The following PCDHGB7 variants were observed in gnomAD, a reference collection of about 807,000 sequenced individuals.
PCDHGB7 encodes protocadherin gamma-B7.
Under a neutral mutation model 61.4 loss-of-function variants are expected in PCDHGB7, and 37 were observed. The ratio of observed to expected loss-of-function variants is 0.60; its 90% CI spans 0.46 to 0.79. The LOEUF (loss-of-function observed/expected upper bound fraction) is 0.79, where lower values mean the gene tolerates loss of function less well. PCDHGB7 is among the 30% of genes least tolerant of loss of function. PCDHGB7 has a pLI of 0.00. For missense variants in PCDHGB7, 1,166 were observed against 1,202.5 expected, an observed-to-expected ratio of 0.97 and a Z score of 0.45; for synonymous variants, 464 against 503.5, an observed-to-expected ratio of 0.92 and a Z score of 1.05.
At chr5:141,436,071 A>G (rs1419598304) in intron 1 of PCDHGB7, among the ~76,000 whole-genome samples, 1 of 152,222 alleles carries the variant, frequency 6.6e-6, no homozygotes. Context: ...TAATAAGTAC[A>G]GTGTTCTATA....
rs751563833 is a variant in PCDHGB7 at position 141,421,382 on chromosome 5, A to T, written c.2415+1108A>T. 5.6e-6 allele frequency: 9 copies of T among 1,613,906 alleles called. No homozygotes were observed. The South Asian group carries it at 8.8e-5, about 16-fold the overall frequency. ...TCCTTCGTGGGCAATATCTCCAAGG[A>T]CCTGGGGCTGGAGCCCCGGGAGCTG... On this transcript the variant is annotated intron_variant, in intron 1 of 3. Transcript: ENST00000398594.
chr5:141,487,109 G>A lies in PCDHGB7; in HGVS notation c.2416-7698G>A. 2 of 1,614,122 alleles carry A rather than the reference G, an allele frequency of 1.2e-6. No homozygotes were observed. Among genetic ancestry groups the A allele is most frequent in the Non-Finnish European group, 1.7e-6 (2 of 1,180,004 alleles). ...CCTCCCACCACAGAAGCTGGTCATTGTGGTAAAGGATAGTGGTAGTCCACC... is the reference window on the plus strand; with the variant it reads ...CCTCCCACCACAGAAGCTGGTCATTATGGTAAAGGATAGTGGTAGTCCACC... On this transcript the variant is annotated intron_variant, in intron 1 of 3. Transcript: ENST00000398594. This position sits in a 1 kb window ranked among gnomAD's most constrained non-coding sequence, Gnocchi z 5.0.
Position 141,418,370 on chromosome 5 carries a change from C to G in PCDHGB7, c.511C>G (p.Gln171Glu), listed in dbSNP as rs910813828. Reference sequence around the variant, plus strand: ...TAGTATGAATTCGCTGAGCAAATACCAACTAAGTCCTAACGAGTATTTCTC... The same window carrying G: ...TAGTATGAATTCGCTGAGCAAATACGAACTAAGTCCTAACGAGTATTTCTC... ...DISMNSLSKYQLSPNEYFSLV... is the reference protein window; with the variant it reads ...DISMNSLSKYELSPNEYFSLV... The change falls in exon 1 of 4, where the codon CAA becomes GAA. Residue 171 changes from glutamine (Q) to glutamate (E), a missense_variant. Transcript: ENST00000398594. The G allele has an allele frequency of 6.2e-7, 1 of 1,613,822 alleles. No homozygotes were observed. The highest frequency in any genetic ancestry group is 1.3e-5 in the African/African-American group (1 of 74,910).
chr5:141,510,895 CTGT>C, intron 3 of PCDHGB7, 49 bp from the exon 4 acceptor site: 1 of 1,612,988 alleles, frequency 6.2e-7, no homozygotes, highest in Non-Finnish European at 8.5e-7. Flanking sequence ...AAGACAGTGA[CTGT>C]TGAGGACCCT....
At chr5:141,440,822 A>T (rs1561900737) in intron 1 of PCDHGB7, 2 of 152,058 alleles carry the variant, frequency 1.3e-5, no homozygotes, top group Non-Finnish European at 2.9e-5. Context: ...TCAACTCCTG[A>T]TCCTATTGGT....
intron 1 of PCDHGB7, among the ~76,000 whole-genome samples, chr5:141,455,830 C>T (rs928219545): frequency 2.0e-5 from 3 of 151,170 alleles, no homozygotes; most frequent in African/African-American, 7.3e-5. Flanking sequence ...GACCCCTTTT[C>T]CTGTCTATCT....
intron 1 of PCDHGB7, among the ~76,000 whole-genome samples, chr5:141,449,413 C>G (rs2098637966): frequency 6.6e-6 from 1 of 151,656 alleles, no homozygotes; most frequent in African/African-American, 2.4e-5. Flanking sequence ...TCAAGACCAG[C>G]CTGGCCAACA....
intron 1 of PCDHGB7, among the ~76,000 whole-genome samples, chr5:141,457,674 A>G (rs577008886): frequency 2.9e-4 from 44 of 152,256 alleles, no homozygotes; most frequent in South Asian, 2.1e-4. Flanking sequence ...GGTTATTTCT[A>G]CATAGGACTT....
In PCDHGB7 at chr5:141,487,169, G is replaced by A. The variant is rs1259980100; in HGVS notation, c.2416-7638G>A. On this transcript the variant is annotated intron_variant, in intron 1 of 3. Coordinates refer to ENST00000398594, the MANE Select transcript of PCDHGB7 (RefSeq NM_018927.4). The surrounding 1 kb of genome is among the most constrained non-coding windows in gnomAD (Gnocchi z 5.0). ...CTCTGTTACTCTCTTAGTGTCCTTA[G>A]AGGAAGACACTCATCCAGTTGTCCC... 6.2e-7 allele frequency: 1 copy of A among 1,613,086 alleles called. No homozygotes were observed. Among genetic ancestry groups the A allele is most frequent in the South Asian group, 1.1e-5 (1 of 91,072 alleles).
chr5:141,441,136 GA>G (rs1379465827), intron 1 of PCDHGB7: 2 of 152,304 alleles, frequency 1.3e-5, no homozygotes, highest in Middle Eastern at 3.4e-3. Flanking sequence ...CGAATTTCTA[GA>G]AGATAATGAC....
At chr5:141,437,896 C>T (rs943440712) in intron 1 of PCDHGB7, among the ~76,000 whole-genome samples, 2 of 152,128 alleles carry the variant, frequency 1.3e-5, no homozygotes, top group African/African-American at 4.8e-5. Flanking sequence ...CGCCACCACA[C>T]CCAGCTAATT....
chr5:141,474,597 T>C (rs1454833258), intron 1 of PCDHGB7, among the ~76,000 whole-genome samples: 2 of 152,248 alleles, frequency 1.3e-5, no homozygotes, highest in Non-Finnish European at 2.9e-5. Flanking sequence ...CATGGAAATA[T>C]AGGTCACATA....
chr5:141,488,170 T>C (rs554585709), intron 1 of PCDHGB7, among the ~76,000 whole-genome samples: 2 of 152,318 alleles, frequency 1.3e-5, no homozygotes, highest in African/African-American at 2.4e-5. Context: ...ATCAGAGTGG[T>C]GGCATAGATC....
intron 2 of PCDHGB7, among the ~76,000 whole-genome samples, chr5:141,501,166 C>T (rs1443045812): frequency 6.6e-6 from 1 of 152,154 alleles, no homozygotes; most frequent in African/African-American, 2.4e-5. Flanking sequence ...CATCCCCAGC[C>T]TCATTTACAT....
At chr5:141,481,647 A>C (rs749515062) in intron 1 of PCDHGB7, among the ~76,000 whole-genome samples, 28 of 151,830 alleles carry the variant, frequency 1.8e-4, no homozygotes, top group African/African-American at 6.5e-4. Context: ...GTGAAACTTC[A>C]TCTCTACTAA....
chr5:141,492,037 C>A (rs556842734), intron 1 of PCDHGB7: 94 of 538,798 alleles, frequency 1.7e-4, no homozygotes, highest in Non-Finnish European at 2.5e-4. Flanking sequence ...AGGAGGCAGT[C>A]ACAGATCCAC....
intron 2 of PCDHGB7, among the ~76,000 whole-genome samples, chr5:141,497,767 C>T (rs1419825322): frequency 1.3e-5 from 2 of 152,066 alleles, no homozygotes; most frequent in East Asian, 3.9e-4. Flanking sequence ...TCAAACTCCC[C>T]GACCTCAACT....
intron 1 of PCDHGB7, among the ~76,000 whole-genome samples, chr5:141,459,613 C>T (rs1040874685): frequency 2.6e-5 from 4 of 152,188 alleles, no homozygotes; most frequent in African/African-American, 9.7e-5. Context: ...ATATGCTTAA[C>T]TTTATAAGAA....
intron 1 of PCDHGB7, chr5:141,492,069 C>A (rs1595083522): frequency 2.1e-6 from 1 of 475,880 alleles, no homozygotes; most frequent in East Asian, 3.3e-5. Context: ...GCCTCCTAGG[C>A]GCCGGCTCCG....
Sources: allele counts gnomAD v4.1 joint callset (sites outside exome capture counted in the v4.1 genomes callset), GRCh38; gene constraint gnomAD v4.1.1; non-coding constraint Gnocchi (gnomAD v3.1); transcripts MANE v1.5; gene names NCBI Gene and HGNC (gene_info 2026-07-23, HGNC 2026-07-21).